RAB5A: variants seen among roughly 807,000 people sequenced by gnomAD.
RAB5A encodes ras-related protein Rab-5A.
RAB5A carries 8 observed loss-of-function variants against 25.7 expected under a neutral mutation model. That is an observed-to-expected ratio of 0.31 (90% CI 0.18 to 0.56). The LOEUF (loss-of-function observed/expected upper bound fraction) is 0.56, where lower values mean the gene tolerates loss of function less well. RAB5A is among the 20% of genes least tolerant of loss of function. The probability of loss-of-function intolerance (pLI) is 0.91; values close to 1 mark genes in which losing one functional copy is unlikely to be tolerated. For missense variants in RAB5A, 192 were observed against 259.7 expected (o/e 0.74, Z 1.79); for synonymous variants, 98 against 89.8 (o/e 1.09, Z -0.52).
At chr3:19,964,386 A>T (rs181903328) in intron 2 of RAB5A, among the ~76,000 whole-genome samples, 9 of 151,902 alleles carry the variant, frequency 5.9e-5, no homozygotes, top group Non-Finnish European at 1.2e-4. Context: ...TCATTTTTTT[A>T]AAAATACCCT....
intron 2 of RAB5A, among the ~76,000 whole-genome samples, chr3:19,957,206 G>T (rs1228536229): frequency 6.6e-6 from 1 of 152,024 alleles, no homozygotes. Context: ...TGGGATGAAA[G>T]GTGTAAGCCA....
At chr3:19,975,453 AT>A in intron 2 of RAB5A, 147 bp from the exon 3 acceptor site, 1 of 670,416 alleles carries the variant, frequency 1.5e-6, no homozygotes, top group Non-Finnish European at 2.3e-6. Flanking sequence ...TTCCCCCCTC[AT>A]TTATTACTTT....
At chr3:19,980,084 A>T (rs562652303) in intron 5 of RAB5A, 11 of 152,308 alleles carry the variant, frequency 7.2e-5, no homozygotes, top group African/African-American at 2.4e-4. Flanking sequence ...TCAAGTTTGC[A>T]GTTTGCTAGG....
rs916800867 is a variant in RAB5A at position 19,947,279 on chromosome 3, C to T, written c.-336C>T. The T allele has an allele frequency of 1.0e-5, 2 of 200,960 alleles. No individual in the cohort carries two copies. Among genetic ancestry groups the T allele is most frequent in the Non-Finnish European group, 1.9e-5 (2 of 103,326 alleles). The allele number at this position is 200,960 out of a possible 1,614,324, so 12.4% of individuals were successfully genotyped here. On this transcript the variant is annotated 5_prime_UTR_variant, in exon 1 of 6. Coordinates refer to ENST00000273047, the MANE Select transcript of RAB5A (RefSeq NM_004162.5). ...GGAACTCCAGCGCCGGCGGCGGCGG[C>T]GGCGGCGGAGGAGGAGAAAGGAAAG...
chr3:19,959,194 T>G (rs1050196410), intron 2 of RAB5A, among the ~76,000 whole-genome samples: 1 of 152,150 alleles, frequency 6.6e-6, no homozygotes, highest in Non-Finnish European at 1.5e-5. Flanking sequence ...GATTCACTAA[T>G]TTACTGCTTT....
At chr3:19,978,577 A>G (rs982249876) in intron 5 of RAB5A, 174 bp downstream of exon 5, 3 of 534,848 alleles carry the variant, frequency 5.6e-6, no homozygotes, top group Non-Finnish European at 1.0e-5. Context: ...CCTTCCACAA[A>G]ACAATATTTT....
At position 19,964,535 on chromosome 3, in the gene RAB5A, A is replaced by T. The variant is rs552118775; in HGVS notation, c.164-11066A>T. ...AGGCAATCACAGGGTCTTAGCCCTG[A>T]AGGCGCCCATACTGACTTTATCAGT... On this transcript the variant is annotated intron_variant, in intron 2 of 5. Coordinates refer to ENST00000273047, the MANE Select transcript of RAB5A (RefSeq NM_004162.5). Among the ~76,000 whole-genome samples the T allele has an allele frequency of 2.0e-5, 3 of 152,380 alleles. 1 individual carries two copies. In the South Asian group the frequency reaches 6.2e-4, roughly 32 times the overall value.
chr3:19,975,793 C>A, intron 3 of RAB5A, 41 bp downstream of exon 3: 1 of 1,550,456 alleles, frequency 6.4e-7, no homozygotes, highest in African/African-American at 1.4e-5. Context: ...AATTTGAGTA[C>A]CCACTTTTGG....
At chr3:19,971,213 A>C (rs181189809) in intron 2 of RAB5A, among the ~76,000 whole-genome samples, 61 of 146,248 alleles carry the variant, frequency 4.2e-4, no homozygotes, top group Non-Finnish European at 4.6e-4. Context: ...AAAAAAAAAA[A>C]AACACTATAG....
At chr3:19,956,538 T>C (rs768904434) in intron 2 of RAB5A, among the ~76,000 whole-genome samples, 8 of 152,220 alleles carry the variant, frequency 5.3e-5, no homozygotes, top group Non-Finnish European at 7.3e-5. Flanking sequence ...CTAAATTGGT[T>C]AGCATGGCCA....
intron 2 of RAB5A, among the ~76,000 whole-genome samples, chr3:19,966,599 T>A (rs1696665828): frequency 6.6e-6 from 1 of 152,216 alleles, no homozygotes; most frequent in Admixed American, 6.5e-5. Flanking sequence ...TTTAATATAT[T>A]TGAGAAATCT....
chr3:19,978,243 T>A, intron 4 of RAB5A, 67 bp from the exon 5 acceptor site: 4 of 1,029,266 alleles, frequency 3.9e-6, no homozygotes, highest in Non-Finnish European at 6.1e-6. Context: ...TATAACAAGT[T>A]TAAAGCAGGT....
chr3:19,975,157 C>T (rs572798805), intron 2 of RAB5A, among the ~76,000 whole-genome samples: 5 of 148,526 alleles, frequency 3.4e-5, no homozygotes, highest in African/African-American at 1.0e-4. Flanking sequence ...ACCCGGGAGG[C>T]GGAGGTTGCA....
At chr3:19,962,374 C>T (rs544679977) in intron 2 of RAB5A, among the ~76,000 whole-genome samples, 25 of 152,228 alleles carry the variant, frequency 1.6e-4, no homozygotes, top group African/African-American at 5.8e-4. Context: ...TCGAGACCAG[C>T]CTGACTAACA....
rs982388866 is a variant in RAB5A, at chr3:19,984,730, T to C, written c.*907T>C. On this transcript the variant is annotated 3_prime_UTR_variant, in exon 6 of 6. Coordinates refer to ENST00000273047, the MANE Select transcript of RAB5A (RefSeq NM_004162.5). The stretch of plus-strand genomic sequence containing the variant: ...CTGTACTGTAAATAGGGTACTGCAT[T>C]GTAGTCTCCATATCTGTATTACTTT... The C allele has an allele frequency of 6.5e-6, 1 of 153,710 alleles. No individual in the cohort carries two copies. Among genetic ancestry groups the C allele is most frequent in the Non-Finnish European group, 1.5e-5 (1 of 68,906 alleles). 9.5% of individuals were successfully genotyped at this position (153,710 alleles called of 1,614,324 possible).
At chr3:19,964,287 C>T (rs1168023807) in intron 2 of RAB5A, among the ~76,000 whole-genome samples, 1 of 152,142 alleles carries the variant, frequency 6.6e-6, no homozygotes, top group Non-Finnish European at 1.5e-5. Flanking sequence ...CTATATATCC[C>T]TTAAAGCTAA....
At chr3:19,957,859 C>T (rs558912625) in intron 2 of RAB5A, among the ~76,000 whole-genome samples, 124 of 151,912 alleles carry the variant, frequency 8.2e-4, no homozygotes, top group African/African-American at 2.8e-3. Flanking sequence ...AAATACATAA[C>T]GATTTTTATT....
At chr3:19,975,227 AAAAAG>A (rs1395372837) in intron 2 of RAB5A, among the ~76,000 whole-genome samples, 77 of 152,136 alleles carry the variant, frequency 5.1e-4, no homozygotes, top group African/African-American at 1.9e-3. Context: ...AAAAAAAAAA[AAAAAG>A]AAGAAGGAAA....
chr3:19,953,896 C>T (rs939494894), intron 2 of RAB5A, among the ~76,000 whole-genome samples: 4 of 152,152 alleles, frequency 2.6e-5, no homozygotes, highest in African/African-American at 7.2e-5. Context: ...AAGGTTTGAG[C>T]TATTTCATGA....
Sources: gnomAD v4.1 joint callset for allele counts (sites outside exome capture counted in the v4.1 genomes callset) on GRCh38, gnomAD v4.1.1 for gene constraint, MANE v1.5 for transcripts, NCBI Gene and HGNC (gene_info 2026-07-23, HGNC 2026-07-21) for gene names.